The following TPRG1L variants were observed in gnomAD, a reference collection of about 807,000 sequenced individuals.
TPRG1L encodes the protein tumor protein p63 regulated 1 like, also known as tumor protein p63-regulated gene 1-like protein.
Under a neutral mutation model 29.4 loss-of-function variants are expected in TPRG1L, and 25 were observed. The ratio of observed to expected loss-of-function variants is 0.85; its 90% CI spans 0.62 to 1.19. The LOEUF is 1.19. TPRG1L is among the 50% of genes most tolerant of loss of function. The pLI is 0.00. For missense variants in TPRG1L, 354 were observed against 364.4 expected, an observed-to-expected ratio of 0.97 and a Z score of 0.23; for synonymous variants, 182 against 151.1, an observed-to-expected ratio of 1.20 and a Z score of -1.50.
chr1:3,625,167 G>T lies in TPRG1L; in HGVS notation c.95G>T (p.Gly32Val). ...GEEVGAGGGP[G>V]GGRPGAGTPL... ...GAGGTGGGGGCAGGCGGCGGCCCGG[G>T]CGGGGGGCGGCCGGGGGCGGGGACG... Residue 32 changes from glycine to valine, a missense_variant, in exon 1 of 5, where the codon GGC (glycine) becomes GTC (valine). Coordinates refer to ENST00000378344, the MANE Select transcript of TPRG1L (RefSeq NM_182752.4). 19 of 1,243,244 alleles carry T rather than the reference G, an allele frequency of 1.5e-5. No homozygotes were observed. The highest frequency in any genetic ancestry group is 1.7e-5 in the Non-Finnish European group (17 of 991,174). The allele number at this position is 1,243,244 out of a possible 1,614,324, so 77.0% of individuals were successfully genotyped here. A position where few individuals can be genotyped will look rare whatever the true frequency, so the allele number is the denominator to read the frequency against.
At chr1:3,627,155 A>G (rs1339816993) in intron 3 of TPRG1L, among the ~76,000 whole-genome samples, 1 of 152,014 alleles carries the variant, frequency 6.6e-6, no homozygotes, top group Non-Finnish European at 1.5e-5. Flanking sequence ...TACTAAAAAT[A>G]CAAAATTAGC....
rs1428344602 is a variant in TPRG1L at position 3,629,987 on chromosome 1, G to T, written c.*1384G>T. 2 of 152,286 alleles carry T rather than the reference G, an allele frequency of 1.3e-5. No individual in the cohort carries two copies. Among genetic ancestry groups the T allele is most frequent in the African/African-American group, 4.8e-5 (2 of 41,464 alleles). The allele number at this position is 152,286 out of a possible 1,614,324, so 9.4% of individuals were successfully genotyped here. A position where few individuals can be genotyped will look rare whatever the true frequency, so the allele number is the denominator to read the frequency against. On this transcript the variant is annotated 3_prime_UTR_variant, in exon 5 of 5. Coordinates refer to ENST00000378344, the MANE Select transcript of TPRG1L (RefSeq NM_182752.4). ...TTAAGCAAACGGTGTGGCATGGGTT[G>T]AGTGTGGCCACCTGCAGGATGTGCA...
intron 4 of TPRG1L, 59 bp downstream of exon 4, chr1:3,627,712 A>G (rs1284384034): frequency 2.5e-6 from 4 of 1,602,376 alleles, no homozygotes; most frequent in South Asian, 2.2e-5. Flanking sequence ...CACCCCCCGC[A>G]GTCACGGAGA....
Position 3,630,079 on chromosome 1 carries a change from G to C in TPRG1L, c.*1476G>C, listed in dbSNP as rs1644514357. The C allele has an allele frequency of 1.3e-5, 2 of 152,264 alleles. No individual in the cohort carries two copies. The highest frequency in any genetic ancestry group is 1.3e-4 in the Admixed American group (2 of 15,280). 9.4% of individuals were successfully genotyped at this position (152,264 alleles called of 1,614,324 possible). A position where few individuals can be genotyped will look rare whatever the true frequency, so the allele number is the denominator to read the frequency against. ...TCATAAAGACATTAAGAAGTGGATG[G>C]ATGTTGTTCCTTTTTTGAAGTTGTC... On this transcript the variant is annotated 3_prime_UTR_variant, in exon 5 of 5. Transcript: ENST00000378344.
At chr1:3,625,926 G>A in intron 3 of TPRG1L, 37 bp downstream of exon 3, 1 of 1,576,958 alleles carries the variant, frequency 6.3e-7, no homozygotes, top group African/African-American at 1.3e-5. Flanking sequence ...CTGGACCTAA[G>A]CACCAGAGTG....
rs1435633793 is a variant in TPRG1L at position 3,625,443 on chromosome 1, C to G, written c.221C>G (p.Ala74Gly). The G allele has an allele frequency of 1.2e-6, 2 of 1,603,784 alleles. No homozygotes were observed. The highest frequency in any genetic ancestry group is 2.2e-5 in the East Asian group (1 of 44,484). ...GCCCAGCCCGGCAGCATCGAGCAGG[C>G]AGTGGAGGAGATCCGCGTGGTGGTG... Reference protein sequence around the residue: ...FVFRPGSIEQAVEEIRVVVRP... With the variant: ...FVFRPGSIEQGVEEIRVVVRP... The change falls in exon 2 of 5, where the codon GCA becomes GGA. Residue 74 changes from alanine to glycine, a missense_variant. Transcript: ENST00000378344.
At chr1:3,627,240 G>A (rs1644496103) in intron 3 of TPRG1L, among the ~76,000 whole-genome samples, 1 of 152,142 alleles carries the variant, frequency 6.6e-6, no homozygotes, top group Admixed American at 6.5e-5. Flanking sequence ...AACCCAGGAG[G>A]TGGAGGATGC....
At position 3,628,441 on chromosome 1, in the gene TPRG1L, T is replaced by G. The variant is rs756159707; in HGVS notation, c.657T>G (p.Ala219=). The G allele has an allele frequency of 1.9e-5, 31 of 1,612,320 alleles. No homozygotes were observed. In the East Asian group the frequency reaches 6.9e-4, roughly 36 times the overall value. ...LESFKALLIQ[A]VKKAQKESPL... ...GCTTCAAGGCTCTGTTAATCCAAGC[T>G]GTCAAAAAAGCCCAAAAAGAAAGCC... Residue 219 remains alanine, a synonymous_variant, in exon 5 of 5, where the codon GCT becomes GCG. Transcript: ENST00000378344.
Position 3,625,144 on chromosome 1 carries a change from G to A in TPRG1L, c.72G>A (p.Glu24=). Residue 24 remains glutamate, a synonymous_variant, in exon 1 of 5, where the codon GAG becomes GAA. Coordinates refer to ENST00000378344, the MANE Select transcript of TPRG1L (RefSeq NM_182752.4). The part of the protein sequence containing the change: ...SPTAVLAAGE[E]VGAGGGPGGG... ...CGGCGGTGCTGGCGGCCGGCGAGGA[G>A]GTGGGGGCAGGCGGCGGCCCGGGCG... 8.1e-7 allele frequency: 1 copy of A among 1,237,834 alleles called. No homozygotes were observed. Among genetic ancestry groups the A allele is most frequent in the East Asian group, 3.4e-5 (1 of 29,172 alleles). 76.7% of individuals were successfully genotyped at this position (1,237,834 alleles called of 1,614,324 possible). A position where few individuals can be genotyped will look rare whatever the true frequency, so the allele number is the denominator to read the frequency against.
chr1:3,628,667 G>C lies in TPRG1L; in HGVS notation c.*64G>C. On this transcript the variant is annotated 3_prime_UTR_variant, in exon 5 of 5. Coordinates refer to ENST00000378344, the MANE Select transcript of TPRG1L (RefSeq NM_182752.4). Reference sequence around the variant, plus strand: ...CCTCCCCCTCCCCAGAAGGCCAAGGGATGTGGGGGCTGGGGGACTGGGAGG... The same window carrying C: ...CCTCCCCCTCCCCAGAAGGCCAAGGCATGTGGGGGCTGGGGGACTGGGAGG... 6.8e-7 allele frequency: 1 copy of C among 1,465,978 alleles called. No homozygotes were observed. The highest frequency in any genetic ancestry group is 9.2e-7 in the Non-Finnish European group (1 of 1,085,272). 90.8% of individuals were successfully genotyped at this position (1,465,978 alleles called of 1,614,324 possible).
rs1045982121 is a variant in TPRG1L, at chr1:3,629,937, T to C, written c.*1334T>C. Reference sequence around the variant, plus strand: ...TAAGCTTCACGCACTGGCTTGCCAGTTCTTCAGCTCTAGGACTTGTAGCTT... The same window carrying C: ...TAAGCTTCACGCACTGGCTTGCCAGCTCTTCAGCTCTAGGACTTGTAGCTT... On this transcript the variant is annotated 3_prime_UTR_variant, in exon 5 of 5. Transcript: ENST00000378344. 1 of 152,274 alleles carries C rather than the reference T, an allele frequency of 6.6e-6. No homozygotes were observed. The highest frequency in any genetic ancestry group is 6.5e-5 in the Admixed American group (1 of 15,288). 9.4% of individuals were successfully genotyped at this position (152,274 alleles called of 1,614,324 possible). A position where few individuals can be genotyped will look rare whatever the true frequency, so the allele number is the denominator to read the frequency against.
intron 3 of TPRG1L, among the ~76,000 whole-genome samples, chr1:3,626,257 C>G (rs1029437571): frequency 7.9e-5 from 12 of 152,236 alleles, no homozygotes; most frequent in African/African-American, 2.4e-5. Context: ...CACATCAAGT[C>G]TTGCTCTGGC....
At chr1:3,627,701 A>G in intron 4 of TPRG1L, 48 bp downstream of exon 4, 1 of 1,606,672 alleles carries the variant, frequency 6.2e-7, no homozygotes, top group Non-Finnish European at 8.5e-7. Flanking sequence ...AGTGATGGAA[A>G]CACCCCCCGC....
chr1:3,625,419 C>A lies in TPRG1L; in HGVS notation c.202-5C>A. ...CCCCCGTCCCCCACCCCGCAACCCG[C>A]CCAGCCCGGCAGCATCGAGCAGGCA... On this transcript the variant is annotated splice_region_variant and splice_polypyrimidine_tract_variant and intron_variant, in intron 1 of 4. Coordinates refer to ENST00000378344, the MANE Select transcript of TPRG1L (RefSeq NM_182752.4). 1 of 1,588,462 alleles carries A rather than the reference C, an allele frequency of 6.3e-7. No individual in the cohort carries two copies.
rs112397153 is a variant in TPRG1L, at chr1:3,626,585, CT to C, written c.470+712del. On this transcript the variant is annotated intron_variant, in intron 3 of 4. Transcript: ENST00000378344. ...TGGCTAGCCTATCTATAATTATTCC[CT>C]TTTTTTTTTTTTTTTGAGACGGAGT... 7.3e-3 allele frequency among the ~76,000 whole-genome samples: 1,008 copies of C among 137,956 alleles called. 2 individuals carry two copies. Among genetic ancestry groups the C allele is most frequent in the East Asian group, 0.013 (64 of 4,912 alleles). The allele number at this position is 137,956 out of a possible 152,430, so 90.5% of individuals were successfully genotyped here.
Position 3,625,770 on chromosome 1 carries a change from G to C in TPRG1L, c.351G>C (p.Leu117=). ...ERLVLVTEQS[L]LICKYDFISL... ...TGGTGCTGGTCACGGAGCAGTCCCT[G>C]CTTATCTGTAAATACGACTTCATCA... The change falls in exon 3 of 5, where the codon CTG becomes CTC. Residue 117 remains leucine, a synonymous_variant. Transcript: ENST00000378344. 1.9e-6 allele frequency: 3 copies of C among 1,613,694 alleles called. No individual in the cohort carries two copies. Among genetic ancestry groups the C allele is most frequent in the Non-Finnish European group, 2.5e-6 (3 of 1,180,016 alleles).
Position 3,629,195 on chromosome 1 carries a change from G to A in TPRG1L, c.*592G>A, listed in dbSNP as rs1033208461. On this transcript the variant is annotated 3_prime_UTR_variant, in exon 5 of 5. Transcript: ENST00000378344. ...ACCCGCTGCTCTTTTGGAAATGGGT[G>A]ACCTGAAGTGACACTTTTTCCACAA... The A allele has an allele frequency of 6.6e-6, 1 of 152,186 alleles. No individual in the cohort carries two copies. Among genetic ancestry groups the A allele is most frequent in the Non-Finnish European group, 1.5e-5 (1 of 68,026 alleles). 9.4% of individuals were successfully genotyped at this position (152,186 alleles called of 1,614,324 possible). A position where few individuals can be genotyped will look rare whatever the true frequency, so the allele number is the denominator to read the frequency against.
intron 3 of TPRG1L, among the ~76,000 whole-genome samples, chr1:3,626,606 C>T (rs1268030591): frequency 7.4e-5 from 10 of 135,218 alleles, no homozygotes; most frequent in Non-Finnish European, 1.2e-4. Context: ...TTTTTTGAGA[C>T]GGAGTCCCAC....
rs773825329 is a variant in TPRG1L at position 3,628,461 on chromosome 1, A to C, written c.677A>C (p.Glu226Ala). Residue 226 changes from glutamate (E) to alanine (A), a missense_variant, in exon 5 of 5, where the codon GAA (glutamate) becomes GCA (alanine). By Grantham distance (107) the Glu-to-Ala change is moderately radical. Transcript: ENST00000378344. ...CAAGCTGTCAAAAAAGCCCAAAAAGAAAGCCCTTTGCCAGGACAGGCGAAT... is the reference window on the plus strand; with the variant it reads ...CAAGCTGTCAAAAAAGCCCAAAAAGCAAGCCCTTTGCCAGGACAGGCGAAT... ...LIQAVKKAQK[E>A]SPLPGQANGV... is the part of the protein sequence containing the mutation. 1.9e-6 allele frequency: 3 copies of C among 1,613,424 alleles called. No homozygotes were observed. The highest frequency in any genetic ancestry group is 2.7e-5 in the African/African-American group (2 of 74,916).
Sources: gnomAD v4.1 joint callset for allele counts (sites outside exome capture counted in the v4.1 genomes callset) on GRCh38, gnomAD v4.1.1 for gene constraint, MANE v1.5 for transcripts, NCBI Gene and HGNC (gene_info 2026-07-23, HGNC 2026-07-21) for gene names.